Variants in MSRB3 observed in about 807,000 individuals in gnomAD.
MSRB3 encodes the protein methionine-R-sulfoxide reductase B3.
MSRB3 carries 13 observed loss-of-function variants against 21.0 expected under a neutral mutation model. The observed-to-expected ratio is 0.62, with a 90% confidence interval of 0.40 to 0.98. The LOEUF is 0.98. Among genes scored for constraint, MSRB3 ranks in the 50% least tolerant of loss-of-function variants. MSRB3 has a pLI of 0.00. For missense variants in MSRB3, 199 were observed against 230.3 expected, an observed-to-expected ratio of 0.86 and a Z score of 0.88; for synonymous variants, 87 against 88.6, an observed-to-expected ratio of 0.98 and a Z score of 0.10.
In MSRB3 at chr12:65,454,986, A is replaced by G. The variant is rs77271249; in HGVS notation, c.390+1161A>G. ...TAAAGTCTGCAATATTGTGGCATTGAAAGTTATTGACACCACAGGGTATTT... is the reference window on the plus strand; with the variant it reads ...TAAAGTCTGCAATATTGTGGCATTGGAAGTTATTGACACCACAGGGTATTT... On this transcript the variant is annotated intron_variant, in intron 6 of 6. Transcript: ENST00000308259. 3.4e-3 allele frequency among the ~76,000 whole-genome samples: 522 copies of G among 152,330 alleles called. 6 individuals are homozygous for G. The highest frequency in any genetic ancestry group is 0.012 in the African/African-American group (494 of 41,562).
intron 5 of MSRB3, among the ~76,000 whole-genome samples, chr12:65,380,046 T>A (rs934635268): frequency 6.6e-6 from 1 of 152,188 alleles, no homozygotes; most frequent in African/African-American, 2.4e-5. Flanking sequence ...ATTTGAATGG[T>A]TTCAGCAATG....
At chr12:65,457,852 G>A (rs1383041923) in intron 6 of MSRB3, among the ~76,000 whole-genome samples, 4 of 151,800 alleles carry the variant, frequency 2.6e-5, no homozygotes, top group Non-Finnish European at 5.9e-5. Flanking sequence ...TTTTTTAAGA[G>A]TTTTATTTTA....
intron 5 of MSRB3, among the ~76,000 whole-genome samples, chr12:65,428,607 A>G (rs966900674): frequency 1.4e-4 from 21 of 152,194 alleles, no homozygotes; most frequent in Non-Finnish European, 2.5e-4. Context: ...CAGGAGTACG[A>G]CATTATTGGC....
At chr12:65,437,360 C>T (rs571790647) in intron 5 of MSRB3, among the ~76,000 whole-genome samples, 2 of 151,948 alleles carry the variant, frequency 1.3e-5, no homozygotes, top group African/African-American at 2.4e-5. Context: ...CATCACTGTT[C>T]GTGACAGGAA....
intron 5 of MSRB3, among the ~76,000 whole-genome samples, chr12:65,449,314 G>A (rs1424775282): frequency 6.6e-6 from 1 of 151,546 alleles, no homozygotes; most frequent in African/African-American, 2.4e-5. Context: ...AATTTGGCAA[G>A]AGTCAGGACT....
At chr12:65,365,437 C>T (rs948998607) in intron 4 of MSRB3, among the ~76,000 whole-genome samples, 1 of 152,142 alleles carries the variant, frequency 6.6e-6, no homozygotes, top group Admixed American at 6.5e-5. Flanking sequence ...GCAATAGTTC[C>T]ATTTGATGGG....
intron 5 of MSRB3, among the ~76,000 whole-genome samples, chr12:65,440,798 A>G (rs1047921766): frequency 1.3e-5 from 2 of 151,872 alleles, no homozygotes; most frequent in African/African-American, 4.8e-5. Context: ...ATATACATTG[A>G]TTGATTGTAA....
chr12:65,357,787 T>G (rs1300210060), intron 4 of MSRB3, among the ~76,000 whole-genome samples: 1 of 151,942 alleles, frequency 6.6e-6, no homozygotes, highest in Non-Finnish European at 1.5e-5. Flanking sequence ...GGGGTTATGG[T>G]TTTTTTGGAG....
At chr12:65,408,402 T>C (rs1880534398) in intron 5 of MSRB3, among the ~76,000 whole-genome samples, 1 of 152,202 alleles carries the variant, frequency 6.6e-6, no homozygotes, top group South Asian at 2.1e-4. Flanking sequence ...TTTTTTGTTG[T>C]TGAAAGCTGA....
chr12:65,341,781 CAT>C (rs1876159122), intron 4 of MSRB3, among the ~76,000 whole-genome samples: 1 of 151,858 alleles, frequency 6.6e-6, no homozygotes, highest in African/African-American at 2.4e-5. Flanking sequence ...GAACAAGTAA[CAT>C]GTCATGACAA....
chr12:65,391,030 A>T (rs1229208929), intron 5 of MSRB3, among the ~76,000 whole-genome samples: 1 of 152,148 alleles, frequency 6.6e-6, no homozygotes, highest in East Asian at 1.9e-4. Flanking sequence ...AGTTGTTTTT[A>T]AATTTTCTTT....
At chr12:65,290,995 CCACAACTTTGTAA>C (rs1241448516) in intron 1 of MSRB3, among the ~76,000 whole-genome samples, 16 of 152,130 alleles carry the variant, frequency 1.1e-4, no homozygotes, top group South Asian at 2.1e-4. Flanking sequence ...CAGAGATGTA[CCACAACTTTGTAA>C]CACAACTTTC....
chr12:65,334,772 A>C (rs531177614), intron 4 of MSRB3, among the ~76,000 whole-genome samples: 16 of 152,324 alleles, frequency 1.1e-4, no homozygotes, highest in African/African-American at 3.8e-4. Flanking sequence ...TCATCAGGCC[A>C]TTCAACATCT....
At chr12:65,440,423 TAAG>T (rs1397238457) in intron 5 of MSRB3, among the ~76,000 whole-genome samples, 1 of 151,864 alleles carries the variant, frequency 6.6e-6, no homozygotes, top group African/African-American at 2.4e-5. Flanking sequence ...TGTTATCAAT[TAAG>T]AAGAAAACTG....
intron 5 of MSRB3, among the ~76,000 whole-genome samples, chr12:65,383,814 C>G (rs925367911): frequency 3.3e-5 from 5 of 152,096 alleles, no homozygotes; most frequent in Admixed American, 6.6e-5. Context: ...CATGTGCCCC[C>G]ACACCCGACT....
chr12:65,282,710 G>A (rs1461363396), intron 1 of MSRB3, among the ~76,000 whole-genome samples: 1 of 133,558 alleles, frequency 7.5e-6, no homozygotes, highest in Non-Finnish European at 1.6e-5. Context: ...ATGGTTAGAT[G>A]TGGCTGCTCA....
At chr12:65,348,956 G>A (rs969770343) in intron 4 of MSRB3, among the ~76,000 whole-genome samples, 9 of 152,136 alleles carry the variant, frequency 5.9e-5, no homozygotes, top group South Asian at 2.1e-4. Flanking sequence ...TGTGCACAAT[G>A]TGCAGGTTAG....
At chr12:65,388,359 G>A (rs1405166577) in intron 5 of MSRB3, among the ~76,000 whole-genome samples, 2 of 151,984 alleles carry the variant, frequency 1.3e-5, no homozygotes, top group Non-Finnish European at 2.9e-5. Context: ...CACAGCCCTG[G>A]CAGTGAGGGG....
intron 1 of MSRB3, among the ~76,000 whole-genome samples, chr12:65,291,345 C>T (rs562473560): frequency 6.6e-6 from 1 of 152,220 alleles, no homozygotes; most frequent in East Asian, 1.9e-4. Context: ...CTCGGCCCCC[C>T]AAAGTGCTGG....
Sources: allele counts gnomAD v4.1 joint callset (sites outside exome capture counted in the v4.1 genomes callset), GRCh38; gene constraint gnomAD v4.1.1; transcripts MANE v1.5; gene names NCBI Gene and HGNC (gene_info 2026-07-23, HGNC 2026-07-21).